The following N4BP2L2 variants were observed in gnomAD, a reference collection of about 807,000 sequenced individuals.
N4BP2L2 encodes NEDD4-binding protein 2-like 2.
N4BP2L2 carries 50 observed loss-of-function variants against 56.2 expected under a neutral mutation model. The observed-to-expected ratio is 0.89, with a 90% confidence interval of 0.71 to 1.13. The LOEUF (loss-of-function observed/expected upper bound fraction) is 1.13. Among genes scored for constraint, N4BP2L2 ranks in the 50% most tolerant of loss-of-function variants. The probability of loss-of-function intolerance (pLI) is 0.00; values close to 1 mark genes in which losing one functional copy is unlikely to be tolerated. For missense variants in N4BP2L2, 689 were observed against 693.8 expected, an observed-to-expected ratio of 0.99 and a Z score of 0.08; for synonymous variants, 203 against 223.6, an observed-to-expected ratio of 0.91 and a Z score of 0.82.
intron 6 of N4BP2L2, among the ~76,000 whole-genome samples, chr13:32,477,104 T>C (rs768242588): frequency 3.3e-5 from 5 of 152,132 alleles, no homozygotes; most frequent in Admixed American, 6.5e-5. Flanking sequence ...GGATTACCAG[T>C]GAACTTGAAT....
chr13:32,436,927 A>G (rs1489930798), intron 8 of N4BP2L2, among the ~76,000 whole-genome samples: 1 of 149,876 alleles, frequency 6.7e-6, no homozygotes, highest in African/African-American at 2.4e-5. Flanking sequence ...GTCGCCCAGG[A>G]TGGAGTGCAG....
At chr13:32,505,807 C>T (rs1361204836), downstream of N4BP2L2, 2 of 151,906 alleles carry the variant, frequency 1.3e-5, no homozygotes, top group Admixed American at 1.3e-4. Flanking sequence ...TCTAAGATGA[C>T]AGAAGCTTTC....
chr13:32,451,988 A>G (rs1013374482), intron 6 of N4BP2L2, among the ~76,000 whole-genome samples: 2 of 152,156 alleles, frequency 1.3e-5, no homozygotes, highest in Non-Finnish European at 2.9e-5. Context: ...GGAATTGTTC[A>G]CTGCAATCAT....
chr13:32,469,597 G>A (rs2081925784), intron 6 of N4BP2L2, among the ~76,000 whole-genome samples: 1 of 152,174 alleles, frequency 6.6e-6, no homozygotes, highest in South Asian at 2.1e-4. Flanking sequence ...ACTGAGTTGT[G>A]GGAGTTAGGC....
At chr13:32,533,265 T>G (rs1310461122) in intron 2 of N4BP2L2, among the ~76,000 whole-genome samples, 1 of 152,130 alleles carries the variant, frequency 6.6e-6, no homozygotes, top group African/African-American at 2.4e-5. Context: ...AAGTGACATC[T>G]TTATCGGGCT....
chr13:32,453,416 G>A (rs565985120), intron 6 of N4BP2L2, among the ~76,000 whole-genome samples: 11 of 152,024 alleles, frequency 7.2e-5, no homozygotes, highest in South Asian at 2.1e-4. Flanking sequence ...TACAGCAACC[G>A]GGCAAAATGT....
chr13:32,495,552 G>A (rs1276736466), intron 6 of N4BP2L2, among the ~76,000 whole-genome samples: 1 of 152,158 alleles, frequency 6.6e-6, no homozygotes, highest in Non-Finnish European at 1.5e-5. Flanking sequence ...GGTCTGGAAA[G>A]TAACAGATAT....
chr13:32,443,386 T>C, exon 7 of N4BP2L2: 2 of 1,614,036 alleles, frequency 1.2e-6, no homozygotes, highest in South Asian at 2.2e-5. Context: ...GCTACCAAAA[T>C]AGGGCTGTCT....
exon 6 of N4BP2L2, chr13:32,510,477 AAAT>A (rs2047863671): frequency 6.6e-6 from 1 of 151,860 alleles, no homozygotes; most frequent in Non-Finnish European, 1.5e-5. Flanking sequence ...TTTAAACATT[AAAT>A]AGTATAAACT....
intron 3 of N4BP2L2, among the ~76,000 whole-genome samples, chr13:32,526,108 G>C (rs534257836): frequency 6.7e-6 from 1 of 149,670 alleles, no homozygotes; most frequent in Non-Finnish European, 1.5e-5. Flanking sequence ...AAACAAAGAA[G>C]AGGAGCAAGT....
chr13:32,444,240 C>G (rs1197733315), intron 6 of N4BP2L2: 2 of 711,080 alleles, frequency 2.8e-6, no homozygotes, highest in Non-Finnish European at 4.1e-6. Flanking sequence ...ACAAGAGACT[C>G]TCAAGTGTGC....
At chr13:32,520,693 A>G (rs992554057) in intron 5 of N4BP2L2, among the ~76,000 whole-genome samples, 3 of 152,032 alleles carry the variant, frequency 2.0e-5, no homozygotes, top group Admixed American at 6.6e-5. Context: ...AAAAAGGAAT[A>G]ACAGTCAGGA....
chr13:32,453,045 G>A (rs556473120), intron 6 of N4BP2L2, among the ~76,000 whole-genome samples: 2 of 152,148 alleles, frequency 1.3e-5, no homozygotes, highest in South Asian at 2.1e-4. Flanking sequence ...GATCACCTAC[G>A]GTTGGGAATT....
At chr13:32,520,833 G>A (rs2050681799) in intron 5 of N4BP2L2, among the ~76,000 whole-genome samples, 1 of 152,146 alleles carries the variant, frequency 6.6e-6, no homozygotes, top group Non-Finnish European at 1.5e-5. Flanking sequence ...AGTTCTCCCT[G>A]ACTCATTTGG....
intron 1 of N4BP2L2, among the ~76,000 whole-genome samples, chr13:32,538,103 C>G (rs2057060528): frequency 6.6e-6 from 1 of 150,750 alleles, no homozygotes; most frequent in African/African-American, 2.4e-5. Context: ...CCCTGAAATG[C>G]CTTAGGGACC....
chr13:32,494,453 C>T (rs988254616), intron 6 of N4BP2L2, among the ~76,000 whole-genome samples: 26 of 151,942 alleles, frequency 1.7e-4, no homozygotes, highest in African/African-American at 5.6e-4. Flanking sequence ...ACCTCATTCA[C>T]AGGAGAAAAC....
chr13:32,453,084 CCCTGTCTCTACT>C (rs1190355272), intron 6 of N4BP2L2, among the ~76,000 whole-genome samples: 24 of 151,974 alleles, frequency 1.6e-4, no homozygotes, highest in Non-Finnish European at 3.2e-4. Flanking sequence ...CAAGGAGAAA[CCCTGTCTCTACT>C]AAAATACAAG....
At chr13:32,436,892 T>C (rs905456409) in intron 8 of N4BP2L2, among the ~76,000 whole-genome samples, 8 of 150,878 alleles carry the variant, frequency 5.3e-5, no homozygotes, top group African/African-American at 1.9e-4. Context: ...ATTTATTTAT[T>C]TATTTAGAGA....
intron 6 of N4BP2L2, among the ~76,000 whole-genome samples, chr13:32,500,016 A>C (rs1323624915): frequency 6.6e-6 from 1 of 152,178 alleles, no homozygotes; most frequent in Non-Finnish European, 1.5e-5. Context: ...ATATTTGCTG[A>C]CTGAACTTTT....
Sources: allele counts gnomAD v4.1 joint callset (sites outside exome capture counted in the v4.1 genomes callset), GRCh38; gene constraint gnomAD v4.1.1; transcripts MANE v1.5; gene names NCBI Gene and HGNC (gene_info 2026-07-23, HGNC 2026-07-21).